The following SPINDOC variants were observed in gnomAD, a reference collection of about 807,000 sequenced individuals.
SPINDOC encodes spindlin interactor and repressor of chromatin binding.
SPINDOC carries 13 observed loss-of-function variants against 30.7 expected under a neutral mutation model. The ratio of observed to expected loss-of-function variants is 0.42; its 90% CI spans 0.28 to 0.67. The LOEUF (loss-of-function observed/expected upper bound fraction) is 0.67, where lower values mean the gene tolerates loss of function less well. Ranked by LOEUF, SPINDOC falls within the 30% of genes least tolerant of loss-of-function variation. SPINDOC has a pLI of 0.22. For synonymous variants in SPINDOC, 228 were observed against 211.4 expected, an observed-to-expected ratio of 1.08 and a Z score of -0.68; for missense variants, 438 against 518.0, an observed-to-expected ratio of 0.85 and a Z score of 1.50.
intron 1 of SPINDOC, 101 bp downstream of exon 1, chr11:63,813,914 C>T (rs1355014085): frequency 8.1e-6 from 11 of 1,361,342 alleles, no homozygotes; most frequent in Non-Finnish European, 9.6e-6. Context: ...CTTCTCACCC[C>T]CTTCAGCCTT....
chr11:63,826,860 C>T, intron 5 of SPINDOC, 68 bp from the exon 6 acceptor site: 2 of 791,086 alleles, frequency 2.5e-6, no homozygotes, highest in Non-Finnish European at 4.4e-6. Flanking sequence ...TGCGGAGCTT[C>T]CAGGGGGCAT....
At chr11:63,820,668 G>A (rs960317077) in intron 5 of SPINDOC, among the ~76,000 whole-genome samples, 1 of 151,276 alleles carries the variant, frequency 6.6e-6, no homozygotes, top group African/African-American at 2.4e-5. Context: ...GAGACGGGCG[G>A]ATCACGAGGT....
chr11:63,821,805 A>G (rs891250627), intron 5 of SPINDOC, among the ~76,000 whole-genome samples: 4 of 152,082 alleles, frequency 2.6e-5, no homozygotes, highest in Admixed American at 1.3e-4. Context: ...CTGGAGTACC[A>G]TGGCGCCATC....
At position 63,823,276 on chromosome 11, in the gene SPINDOC, T is replaced by G. The variant is rs1274706419; in HGVS notation, c.935-3652T>G. 6.3e-6 allele frequency: 8 copies of G among 1,272,142 alleles called. No homozygotes were observed. In the South Asian group the frequency reaches 1.0e-4, roughly 16 times the overall value. 78.8% of individuals were successfully genotyped at this position (1,272,142 alleles called of 1,614,324 possible). A position where few individuals can be genotyped will look rare whatever the true frequency, so the allele number is the denominator to read the frequency against. ...CAGATTTCTCAGAAACCTGTGAGGCTTCGACCAAAATGTCTCTACTTTCTG... is the reference window on the plus strand; with the variant it reads ...CAGATTTCTCAGAAACCTGTGAGGCGTCGACCAAAATGTCTCTACTTTCTG... On this transcript the variant is annotated intron_variant, in intron 5 of 5. Transcript: ENST00000294244.
intron 5 of SPINDOC, among the ~76,000 whole-genome samples, chr11:63,820,360 T>C (rs1401263628): frequency 7.1e-6 from 1 of 141,312 alleles, no homozygotes; most frequent in Non-Finnish European, 1.5e-5. Context: ...ATTGCGCCAC[T>C]GCACTCCAGC....
At chr11:63,817,659 T>C in intron 1 of SPINDOC, 146 bp from the exon 2 acceptor site, 2 of 735,906 alleles carry the variant, frequency 2.7e-6, no homozygotes, top group Admixed American at 2.9e-5. Context: ...GTGTGCCTCA[T>C]GGGCTCCAGG....
At position 63,823,729 on chromosome 11, in the gene SPINDOC, G is replaced by C. The variant is rs532998443; in HGVS notation, c.935-3199G>C. Among the ~76,000 whole-genome samples the C allele has an allele frequency of 2.2e-4, 33 of 151,838 alleles. No individual in the cohort carries two copies. In the East Asian group the frequency reaches 4.5e-3, roughly 21 times the overall value. On this transcript the variant is annotated intron_variant, in intron 5 of 5. Transcript: ENST00000294244. Reference sequence around the variant, plus strand: ...TTCTTCTGCCTCAGCCTCCCAAGGAGCTGGGACTACAGGCGCCCACCACCA... The same window carrying C: ...TTCTTCTGCCTCAGCCTCCCAAGGACCTGGGACTACAGGCGCCCACCACCA...
At position 63,813,522 on chromosome 11, in the gene SPINDOC, C is replaced by G. The variant is rs1331785330; in HGVS notation, c.-165C>G. On this transcript the variant is annotated 5_prime_UTR_variant, in exon 1 of 6. Coordinates refer to ENST00000294244, the MANE Select transcript of SPINDOC (RefSeq NM_138471.3). Reference sequence around the variant, plus strand: ...CTCGGGGAGGCCCGGACGCGCCGGTCGCAGGCCCGGCCGGCGAGCGGCGGG... The same window carrying G: ...CTCGGGGAGGCCCGGACGCGCCGGTGGCAGGCCCGGCCGGCGAGCGGCGGG... The G allele has an allele frequency of 6.7e-6, 3 of 446,518 alleles. No homozygotes were observed. The highest frequency in any genetic ancestry group is 8.8e-6 in the Non-Finnish European group (3 of 340,286). 27.7% of individuals were successfully genotyped at this position (446,518 alleles called of 1,614,324 possible).
intron 5 of SPINDOC, among the ~76,000 whole-genome samples, chr11:63,820,313 G>GCTTGAAC (rs1323671316): frequency 8.0e-5 from 12 of 149,902 alleles, no homozygotes; most frequent in African/African-American, 2.7e-4. Flanking sequence ...CAGGAGAATT[G>GCTTGAAC]CTTGAACCTG....
chr11:63,817,308 T>C (rs549855991), intron 1 of SPINDOC, among the ~76,000 whole-genome samples: 9 of 152,278 alleles, frequency 5.9e-5, no homozygotes, highest in Admixed American at 2.6e-4. Flanking sequence ...ATTACGCCAT[T>C]GCATTCCAGC....
intron 5 of SPINDOC, among the ~76,000 whole-genome samples, 196 bp downstream of exon 5, chr11:63,819,198 G>A (rs1394789056): frequency 1.3e-5 from 2 of 152,154 alleles, no homozygotes; most frequent in East Asian, 1.9e-4. Flanking sequence ...CCTGAAAGCT[G>A]AGCTTTTCTT....
Position 63,818,404 on chromosome 11 carries a change from G to C in SPINDOC, c.607+39G>C, listed in dbSNP as rs771269384. On this transcript the variant is annotated intron_variant, in intron 3 of 5. Transcript: ENST00000294244. This position sits in a 1 kb window ranked among gnomAD's most constrained non-coding sequence, Gnocchi z 5.3. The stretch of plus-strand genomic sequence containing the variant: ...GAAGCCAGTGAGCCCCGGTGGAGGT[G>C]GGGGTTTGGGGACAGGGTGAAATAC... 2.5e-6 allele frequency: 4 copies of C among 1,609,774 alleles called. No individual in the cohort carries two copies. The highest frequency in any genetic ancestry group is 3.4e-6 in the Non-Finnish European group (4 of 1,178,038).
intron 5 of SPINDOC, among the ~76,000 whole-genome samples, chr11:63,820,359 C>T (rs1465992438): frequency 2.0e-5 from 3 of 146,910 alleles, no homozygotes; most frequent in Non-Finnish European, 4.5e-5. Flanking sequence ...GATTGCGCCA[C>T]TGCACTCCAG....
Position 63,827,285 on chromosome 11 carries a change from T to C in SPINDOC, c.*146T>C. 2.1e-6 allele frequency: 3 copies of C among 1,396,990 alleles called. No individual in the cohort carries two copies. Among genetic ancestry groups the C allele is most frequent in the Non-Finnish European group, 2.9e-6 (3 of 1,043,516 alleles). The allele number at this position is 1,396,990 out of a possible 1,614,324, so 86.5% of individuals were successfully genotyped here. ...GGGGCTGGGGCAGCATCCACTGTTA[T>C]TTCGGGGCACTGGAAAGTGTCTGTT... is the stretch of plus-strand genomic sequence containing the variant. On this transcript the variant is annotated 3_prime_UTR_variant, in exon 6 of 6. Coordinates refer to ENST00000294244, the MANE Select transcript of SPINDOC (RefSeq NM_138471.3).
intron 1 of SPINDOC, 43 bp downstream of exon 1, chr11:63,813,856 C>T (rs774634039): frequency 1.3e-5 from 19 of 1,477,782 alleles, no homozygotes; most frequent in East Asian, 2.7e-5. Flanking sequence ...CGGTGCGGGG[C>T]CGGGGCTGGG....
intron 5 of SPINDOC, among the ~76,000 whole-genome samples, chr11:63,821,777 A>G (rs1362325580): frequency 5.3e-5 from 8 of 152,074 alleles, no homozygotes; most frequent in Non-Finnish European, 1.0e-4. Context: ...GTTTTTTGAG[A>G]CAGAGTCCCT....
rs1175167919 is a variant in SPINDOC, at chr11:63,818,488, G to A, written c.608-39G>A. The A allele has an allele frequency of 6.2e-7, 1 of 1,606,756 alleles. No homozygotes were observed. Among genetic ancestry groups the A allele is most frequent in the African/African-American group, 1.3e-5 (1 of 74,632 alleles). Reference sequence around the variant, plus strand: ...CCCTGGGGTGGCAGGGTTCGGGGATGGCCTCTTTAAAAGGGTATGAGGTCT... The same window carrying A: ...CCCTGGGGTGGCAGGGTTCGGGGATAGCCTCTTTAAAAGGGTATGAGGTCT... On this transcript the variant is annotated intron_variant, in intron 3 of 5. Transcript: ENST00000294244. The surrounding 1 kb of genome is among the most constrained non-coding windows in gnomAD (Gnocchi z 5.3).
chr11:63,822,636 G>C (rs1590936150), intron 5 of SPINDOC: 2 of 1,289,052 alleles, frequency 1.6e-6, no homozygotes, highest in East Asian at 1.1e-4. Context: ...TCAAGTTTCA[G>C]CTTGAGTCAC....
rs376047972 is a variant in SPINDOC at position 63,813,658 on chromosome 11, C to T, written c.-29C>T. ...CGCCGAAGCCTGCGCGCCAGTCCTC[C>T]GGCCACTGCTATCGCCCACGGCCGC... On this transcript the variant is annotated 5_prime_UTR_variant, in exon 1 of 6. Coordinates refer to ENST00000294244, the MANE Select transcript of SPINDOC (RefSeq NM_138471.3). 213 of 1,518,302 alleles carry T rather than the reference C, an allele frequency of 1.4e-4. No individual in the cohort carries two copies. The highest frequency in any genetic ancestry group is 1.6e-4 in the Non-Finnish European group (187 of 1,134,588). The allele number at this position is 1,518,302 out of a possible 1,614,324, so 94.1% of individuals were successfully genotyped here.
Sources: gnomAD v4.1 joint callset for allele counts (sites outside exome capture counted in the v4.1 genomes callset) on GRCh38, gnomAD v4.1.1 for gene constraint, Gnocchi (gnomAD v3.1) non-coding constraint, MANE v1.5 for transcripts, NCBI Gene and HGNC (gene_info 2026-07-23, HGNC 2026-07-21) for gene names.